XRCC4: variants seen among roughly 807,000 people sequenced by gnomAD.
The protein encoded by XRCC4 is X-ray repair cross complementing 4.
XRCC4 carries 28 observed loss-of-function variants against 39.1 expected under a neutral mutation model. That is an observed-to-expected ratio of 0.72 (90% CI 0.53 to 0.98). XRCC4 has a LOEUF of 0.98. XRCC4 is among the 50% of genes least tolerant of loss of function. The pLI, the probability that XRCC4 is intolerant of heterozygous loss-of-function variation, is 0.00. For synonymous variants in XRCC4, 123 were observed against 126.4 expected (o/e 0.97, Z 0.18); for missense variants, 350 against 376.4 (o/e 0.93, Z 0.58).
At chr5:83,231,001 T>C (rs1293568899) in intron 6 of XRCC4, among the ~76,000 whole-genome samples, 1 of 151,870 alleles carries the variant, frequency 6.6e-6, no homozygotes, top group Non-Finnish European at 1.5e-5. Context: ...CCACTGAAGG[T>C]AGAAGTCATA....
At chr5:83,371,874 A>G in the XRCC4 span, among the ~76,000 whole-genome samples, 7 of 152,182 alleles carry the variant, frequency 4.6e-5, no homozygotes, top group Admixed American at 3.9e-4. Flanking sequence ...GGAAAACACA[A>G]TTGGGCAAAA....
chr5:83,084,032 G>A (rs1193944225), intron 1 of XRCC4, among the ~76,000 whole-genome samples: 4 of 152,078 alleles, frequency 2.6e-5, no homozygotes, highest in East Asian at 1.9e-4. Context: ...AGAGAGTTGC[G>A]AATGTGTCTT....
intron 3 of XRCC4, among the ~76,000 whole-genome samples, chr5:83,178,563 A>G (rs1301290665): frequency 1.3e-5 from 2 of 152,170 alleles, no homozygotes; most frequent in Admixed American, 1.3e-4. Flanking sequence ...AAACCGTGAC[A>G]TGTCTGTTGG....
At chr5:83,266,840 C>T (rs781013110) in intron 7 of XRCC4, among the ~76,000 whole-genome samples, 27 of 152,008 alleles carry the variant, frequency 1.8e-4, no homozygotes, top group Non-Finnish European at 3.1e-4. Context: ...GTTATCATTA[C>T]CACCATTATT....
At chr5:83,136,279 C>T (rs1747893920) in intron 3 of XRCC4, among the ~76,000 whole-genome samples, 1 of 152,152 alleles carries the variant, frequency 6.6e-6, no homozygotes, top group Non-Finnish European at 1.5e-5. Flanking sequence ...TCTGACGACC[C>T]ACCTATTAAT....
At chr5:83,353,054 G>T in intron 7 of XRCC4, 77 bp from the exon 8 acceptor site, 3 of 1,132,634 alleles carry the variant, frequency 2.6e-6, no homozygotes, top group Non-Finnish European at 3.8e-6. Flanking sequence ...TTTCACTTAT[G>T]TGTCTCTTCA....
At chr5:83,215,443 TG>T (rs1751822728) in intron 6 of XRCC4, among the ~76,000 whole-genome samples, 1 of 152,152 alleles carries the variant, frequency 6.6e-6, no homozygotes. Flanking sequence ...TAGCAAAAAT[TG>T]ACAGAATGAT....
chr5:83,192,916 G>GT (rs1750778791), intron 3 of XRCC4, among the ~76,000 whole-genome samples: 1 of 152,164 alleles, frequency 6.6e-6, no homozygotes, highest in Admixed American at 6.5e-5. Flanking sequence ...AAGAACAGCT[G>GT]TGACAGTAAC....
intron 7 of XRCC4, among the ~76,000 whole-genome samples, chr5:83,282,714 C>T (rs1561453381): frequency 6.6e-6 from 1 of 151,928 alleles, no homozygotes; most frequent in East Asian, 1.9e-4. Context: ...TGGTGGCAGG[C>T]GCCTGTAGTC....
intron 7 of XRCC4, among the ~76,000 whole-genome samples, chr5:83,304,880 T>C (rs1755423960): frequency 6.6e-6 from 1 of 152,200 alleles, no homozygotes; most frequent in Admixed American, 6.5e-5. Flanking sequence ...CTGAAGTTGT[T>C]GAATTTCTGA....
chr5:83,105,109 T>G, intron 2 of XRCC4, 51 bp downstream of exon 2: 1 of 1,544,660 alleles, frequency 6.5e-7, no homozygotes, highest in Non-Finnish European at 8.8e-7. Context: ...GTGCTATTCT[T>G]CAGTCCTCAG....
At chr5:83,263,814 T>C (rs1753853405) in intron 7 of XRCC4, among the ~76,000 whole-genome samples, 2 of 151,544 alleles carry the variant, frequency 1.3e-5, no homozygotes, top group African/African-American at 4.8e-5. Context: ...ACTCTGATGG[T>C]AGTTTCTTTT....
At chr5:83,209,333 AC>A (rs1751547282) in intron 6 of XRCC4, among the ~76,000 whole-genome samples, 1 of 152,096 alleles carries the variant, frequency 6.6e-6, no homozygotes, top group Admixed American at 6.6e-5. Flanking sequence ...AATCTGCAAC[AC>A]CACCACATGC....
the XRCC4 span, among the ~76,000 whole-genome samples, chr5:83,369,565 G>A: frequency 6.6e-6 from 1 of 152,142 alleles, no homozygotes; most frequent in East Asian, 1.9e-4. Flanking sequence ...TCAGATTGCT[G>A]CAAAGAACCT....
intron 3 of XRCC4, among the ~76,000 whole-genome samples, chr5:83,117,974 G>T (rs1404238404): frequency 6.6e-6 from 1 of 151,062 alleles, no homozygotes; most frequent in East Asian, 2.0e-4. Flanking sequence ...CCCAGTGAAG[G>T]AAGCTATGAG....
intron 7 of XRCC4, among the ~76,000 whole-genome samples, chr5:83,293,320 T>C (rs144187685): frequency 5.3e-5 from 8 of 151,422 alleles, no homozygotes; most frequent in African/African-American, 2.0e-4. Flanking sequence ...TACTACACTA[T>C]GCTTAACCTA....
intron 7 of XRCC4, among the ~76,000 whole-genome samples, chr5:83,277,883 C>A (rs1024339097): frequency 6.6e-6 from 1 of 152,076 alleles, no homozygotes; most frequent in Non-Finnish European, 1.5e-5. Context: ...AATTTAATAT[C>A]TTGTTTAAGA....
chr5:83,357,941 C>T (rs576068079), downstream of XRCC4, among the ~76,000 whole-genome samples: 19 of 152,168 alleles, frequency 1.2e-4, no homozygotes, highest in African/African-American at 4.1e-4. Context: ...AAAGGCCTCA[C>T]GAATTTACTT....
intron 3 of XRCC4, among the ~76,000 whole-genome samples, chr5:83,190,636 A>G (rs746376161): frequency 3.9e-5 from 6 of 152,198 alleles, no homozygotes; most frequent in East Asian, 1.9e-4. Flanking sequence ...CAGGATATCA[A>G]ATCACACCTT....
Sources: gnomAD v4.1 joint callset for allele counts (sites outside exome capture counted in the v4.1 genomes callset) on GRCh38, gnomAD v4.1.1 for gene constraint, MANE v1.5 for transcripts, NCBI Gene and HGNC (gene_info 2026-07-23, HGNC 2026-07-21) for gene names.